PCDH9: variants seen among roughly 807,000 people sequenced by gnomAD.
PCDH9 encodes the protein protocadherin-9.
Under a neutral mutation model 70.6 loss-of-function variants are expected in PCDH9, and 24 were observed. The observed-to-expected ratio is 0.34, with a 90% CI of 0.25 to 0.48. The LOEUF (loss-of-function observed/expected upper bound fraction) is 0.48, where lower values mean the gene tolerates loss of function less well. Ranked by LOEUF, PCDH9 falls within the 20% of genes least tolerant of loss-of-function variation. The pLI, the probability that PCDH9 is intolerant of heterozygous loss-of-function variation, is 0.99. For synonymous variants in PCDH9, 562 were observed against 558.5 expected (o/e 1.01, Z -0.09); for missense variants, 1,281 against 1,503.6 (o/e 0.85, Z 2.45).
At chr13:67,122,413 A>G (rs1342686061) in intron 2 of PCDH9, among the ~76,000 whole-genome samples, 2 of 152,104 alleles carry the variant, frequency 1.3e-5, no homozygotes, top group African/African-American at 2.4e-5. Flanking sequence ...CAAAAACCTC[A>G]TGAAGCATGC....
At chr13:66,422,009 A>G (rs1427019412) in intron 4 of PCDH9, among the ~76,000 whole-genome samples, 1 of 152,218 alleles carries the variant, frequency 6.6e-6, no homozygotes, top group Non-Finnish European at 1.5e-5. Context: ...AGGGGTTGCA[A>G]TCCTAGTGTC....
intron 3 of PCDH9, among the ~76,000 whole-genome samples, chr13:66,759,969 A>T (rs1218840683): frequency 6.6e-6 from 1 of 152,086 alleles, no homozygotes; most frequent in Non-Finnish European, 1.5e-5. Context: ...GTTTTTGTGA[A>T]ATTCATTCAT....
chr13:66,388,172 G>T (rs1956961535), intron 4 of PCDH9, among the ~76,000 whole-genome samples: 1 of 152,008 alleles, frequency 6.6e-6, no homozygotes, highest in Non-Finnish European at 1.5e-5. Context: ...CTTAATAATT[G>T]TGTTTTCCAA....
intron 4 of PCDH9, among the ~76,000 whole-genome samples, chr13:66,516,417 T>C (rs1959737734): frequency 6.6e-6 from 1 of 152,070 alleles, no homozygotes; most frequent in Non-Finnish European, 1.5e-5. Flanking sequence ...AGCCAAAATG[T>C]TATTGTAAGC....
At chr13:66,613,797 G>C (rs1465643317) in intron 4 of PCDH9, among the ~76,000 whole-genome samples, 2 of 152,158 alleles carry the variant, frequency 1.3e-5, no homozygotes, top group Admixed American at 6.5e-5. Flanking sequence ...CAAGCACTGG[G>C]ATCAAATACT....
intron 4 of PCDH9, among the ~76,000 whole-genome samples, chr13:66,599,259 A>C (rs552298989): frequency 6.6e-6 from 1 of 151,864 alleles, no homozygotes; most frequent in East Asian, 1.9e-4. Context: ...TTTAAAAAGA[A>C]ATTTTTTTTC....
intron 3 of PCDH9, among the ~76,000 whole-genome samples, chr13:66,738,810 G>T (rs532618921): frequency 6.6e-5 from 10 of 152,104 alleles, no homozygotes; most frequent in Non-Finnish European, 1.3e-4. Flanking sequence ...AAAAAGAAAT[G>T]AGCAAAGCCT....
At chr13:66,907,456 T>A (rs1258762017) in intron 2 of PCDH9, among the ~76,000 whole-genome samples, 1 of 152,188 alleles carries the variant, frequency 6.6e-6, no homozygotes, top group Non-Finnish European at 1.5e-5. Flanking sequence ...CTATTTTTCA[T>A]CACCTATGAT....
At chr13:66,700,929 T>TATATATAA (rs2078633870) in intron 3 of PCDH9, among the ~76,000 whole-genome samples, 1 of 65,912 alleles carries the variant, frequency 1.5e-5, no homozygotes, top group Non-Finnish European at 2.9e-5. Context: ...TATAAATATA[T>TATATATAA]ATATATATAT....
chr13:66,556,759 C>A (rs915236415), intron 4 of PCDH9, among the ~76,000 whole-genome samples: 1 of 152,000 alleles, frequency 6.6e-6, no homozygotes, highest in East Asian at 1.9e-4. Flanking sequence ...GTGGCGAATA[C>A]TCAGGCTATA....
chr13:67,158,174 T>C (rs1194057765), intron 2 of PCDH9, among the ~76,000 whole-genome samples: 1 of 152,176 alleles, frequency 6.6e-6, no homozygotes, highest in African/African-American at 2.4e-5. Flanking sequence ...TATAAAGGCA[T>C]AGAGATATTA....
rs562602790 is a variant in PCDH9, at chr13:67,202,158, T to G, written c.3036+23247A>C. The stretch of plus-strand genomic sequence containing the variant: ...ACACACATACCAACCTATCTTGGTG[T>G]GGTGAGGTGAGGAGAAGGACCATTC... On this transcript the variant is annotated intron_variant, in intron 2 of 4. Coordinates refer to ENST00000377865, the MANE Select transcript of PCDH9 (RefSeq NM_203487.3). 5 of 152,106 alleles carry G rather than the reference T, an allele frequency of 3.3e-5. No homozygotes were observed. In the South Asian group the frequency reaches 1.0e-3, roughly 32 times the overall value. The allele number at this position is 152,106 out of a possible 1,614,324, so 9.4% of individuals were successfully genotyped here. A position where few individuals can be genotyped will look rare whatever the true frequency, so the allele number is the denominator to read the frequency against.
intron 2 of PCDH9, chr13:67,215,855 C>T (rs1057397826): frequency 6.6e-6 from 1 of 152,104 alleles, no homozygotes; most frequent in Non-Finnish European, 1.5e-5. Context: ...GTTGTGGGTT[C>T]AGTGTTAGAA....
chr13:67,115,194 A>C (rs1449411050), intron 2 of PCDH9, among the ~76,000 whole-genome samples: 2 of 152,242 alleles, frequency 1.3e-5, no homozygotes, highest in Admixed American at 6.5e-5. Flanking sequence ...GTTTTGGAAT[A>C]GGATGTATCA....
At chr13:66,401,468 G>A (rs895176061) in intron 4 of PCDH9, among the ~76,000 whole-genome samples, 1 of 151,910 alleles carries the variant, frequency 6.6e-6, no homozygotes. Context: ...TAGCCAGGGC[G>A]GAACTGTGAG....
intron 3 of PCDH9, among the ~76,000 whole-genome samples, chr13:66,874,942 T>TGTGTGTGAGAGA (rs533672911): frequency 9.1e-6 from 1 of 109,932 alleles, no homozygotes; most frequent in East Asian, 2.9e-4. Flanking sequence ...TGTGTGTGTG[T>TGTGTGTGAGAGA]GAGAGAGAGA....
At chr13:66,799,978 G>A (rs976665811) in intron 3 of PCDH9, among the ~76,000 whole-genome samples, 7 of 152,134 alleles carry the variant, frequency 4.6e-5, no homozygotes, top group Non-Finnish European at 7.3e-5. Flanking sequence ...TTCTCTACCT[G>A]CTTCCCTTCT....
chr13:66,409,825 C>T (rs190840739), intron 4 of PCDH9, among the ~76,000 whole-genome samples: 20 of 152,286 alleles, frequency 1.3e-4, no homozygotes, highest in Admixed American at 1.2e-3. Context: ...GTACCTAATA[C>T]GTTAGCTAGT....
Position 66,903,575 on chromosome 13 carries a change from G to A in PCDH9, c.3067C>T (p.Pro1023Ser), listed in dbSNP as rs201847271. 8.2e-5 allele frequency: 128 copies of A among 1,559,532 alleles called. No individual in the cohort carries two copies. In the East Asian group the frequency reaches 2.1e-3, roughly 26 times the overall value. ...CTGGGACATTTCTGAGGAGTGACAG[G>A]AATATTGTCACTTTTGCTGTGTGAG... ...CNSHSKSDNI[P>S]VTPQKCPSST... is the part of the protein sequence containing the mutation. Residue 1023 changes from proline (P) to serine (S), a missense_variant, in exon 3 of 5, where the codon CCT becomes TCT. Physicochemically the swap from Pro to Ser is moderately conservative, Grantham distance 74. This residue lies in a region of PCDH9 where 264 missense variants were observed against 278.8 expected (regional missense o/e 0.95). Coordinates refer to ENST00000377865, the MANE Select transcript of PCDH9 (RefSeq NM_203487.3).
Sources: gnomAD v4.1 joint callset for allele counts (sites outside exome capture counted in the v4.1 genomes callset) on GRCh38, gnomAD v4.1.1 for gene constraint, gnomAD v4.1.1 regional missense constraint, MANE v1.5 for transcripts, NCBI Gene and HGNC (gene_info 2026-07-23, HGNC 2026-07-21) for gene names.